The following PDE4B variants were observed in gnomAD, a reference collection of about 807,000 sequenced individuals.
The protein encoded by PDE4B is 3',5'-cyclic-AMP phosphodiesterase 4B.
PDE4B carries 20 observed loss-of-function variants against 82.2 expected under a neutral mutation model. That is an observed-to-expected ratio of 0.24 (90% CI 0.17 to 0.35). The LOEUF (loss-of-function observed/expected upper bound fraction) is 0.35, where lower values mean the gene tolerates loss of function less well. Ranked by LOEUF, PDE4B falls within the 10% of genes least tolerant of loss-of-function variation. The pLI, the probability that PDE4B is intolerant of heterozygous loss-of-function variation, is 1.00. For synonymous variants in PDE4B, 320 were observed against 318.9 expected (o/e 1.00, Z -0.04); for missense variants, 655 against 907.2 (o/e 0.72, Z 3.57).
intron 3 of PDE4B, among the ~76,000 whole-genome samples, chr1:66,205,817 C>G (rs1649499302): frequency 6.6e-6 from 1 of 152,138 alleles, no homozygotes; most frequent in Non-Finnish European, 1.5e-5. Context: ...CCTCTCTAGC[C>G]AGATTTTAAA....
At chr1:65,797,433 AT>A (rs1645644339) in intron 1 of PDE4B, among the ~76,000 whole-genome samples, 1 of 152,194 alleles carries the variant, frequency 6.6e-6, no homozygotes, top group Non-Finnish European at 1.5e-5. Context: ...TTAACAGATA[AT>A]CACTCTGTTT....
chr1:65,817,985 T>A (rs181950031), intron 1 of PDE4B, among the ~76,000 whole-genome samples: 203 of 152,266 alleles, frequency 1.3e-3, no homozygotes, highest in South Asian at 4.4e-3. Context: ...ATATAGGGCC[T>A]CTTCTGCTCT....
intron 3 of PDE4B, among the ~76,000 whole-genome samples, chr1:66,240,659 T>C (rs1248291163): frequency 1.3e-5 from 2 of 152,260 alleles, no homozygotes; most frequent in Non-Finnish European, 2.9e-5. Flanking sequence ...AGGGACCTTG[T>C]TCCATACACT....
intron 3 of PDE4B, among the ~76,000 whole-genome samples, chr1:66,083,791 A>G (rs935822899): frequency 6.6e-6 from 1 of 152,134 alleles, no homozygotes; most frequent in African/African-American, 2.4e-5. Context: ...TCCCTTCACT[A>G]ATTTCCTTCA....
intron 3 of PDE4B, among the ~76,000 whole-genome samples, chr1:66,170,981 A>G (rs1023522145): frequency 6.6e-6 from 1 of 152,174 alleles, no homozygotes; most frequent in African/African-American, 2.4e-5. Flanking sequence ...GGCTTTTTGG[A>G]GAGCAGAAAT....
intron 1 of PDE4B, among the ~76,000 whole-genome samples, chr1:65,892,388 GT>G (rs1646861210): frequency 1.3e-5 from 2 of 152,000 alleles, no homozygotes; most frequent in African/African-American, 2.4e-5. Flanking sequence ...GAGTGACCTT[GT>G]TTAAATAGAT....
intron 3 of PDE4B, among the ~76,000 whole-genome samples, chr1:65,929,411 T>G (rs1202417618): frequency 6.6e-6 from 1 of 152,224 alleles, no homozygotes; most frequent in Admixed American, 6.5e-5. Context: ...CTGTTCCAAG[T>G]TGCAGGGTCC....
chr1:66,088,503 A>T (rs1644946079), intron 3 of PDE4B, among the ~76,000 whole-genome samples: 1 of 152,112 alleles, frequency 6.6e-6, no homozygotes, highest in Non-Finnish European at 1.5e-5. Flanking sequence ...GCTGCATTAC[A>T]TAGATGTCTC....
intron 8 of PDE4B, among the ~76,000 whole-genome samples, chr1:66,351,163 A>G (rs1379371499): frequency 2.6e-5 from 4 of 152,152 alleles, no homozygotes; most frequent in African/African-American, 9.7e-5. Flanking sequence ...TTATTCACAA[A>G]TTTTGCTTGT....
chr1:66,222,973 CT>C (rs1651120013), intron 3 of PDE4B, among the ~76,000 whole-genome samples: 1 of 152,090 alleles, frequency 6.6e-6, no homozygotes, highest in South Asian at 2.1e-4. Flanking sequence ...TGTTTTTCTG[CT>C]TGTGAACTCA....
intron 1 of PDE4B, among the ~76,000 whole-genome samples, chr1:65,878,718 C>T (rs1018732282): frequency 6.6e-5 from 10 of 151,918 alleles, no homozygotes; most frequent in Non-Finnish European, 1.3e-4. Context: ...ACATCACACA[C>T]CAGAGCCTGT....
intron 3 of PDE4B, among the ~76,000 whole-genome samples, chr1:65,939,248 T>C (rs951882791): frequency 2.0e-5 from 3 of 152,086 alleles, no homozygotes; most frequent in African/African-American, 7.2e-5. Flanking sequence ...ATAGACTACT[T>C]TTCAGCCTTT....
At chr1:65,935,533 TACAA>T (rs917507745) in intron 3 of PDE4B, among the ~76,000 whole-genome samples, 3 of 152,162 alleles carry the variant, frequency 2.0e-5, no homozygotes, top group Admixed American at 1.3e-4. Context: ...ACACTAAATT[TACAA>T]ACAAATATTT....
chr1:66,236,518 T>C (rs533063149), intron 3 of PDE4B, among the ~76,000 whole-genome samples: 4 of 152,306 alleles, frequency 2.6e-5, no homozygotes, highest in Admixed American at 6.5e-5. Flanking sequence ...TAACATTTCT[T>C]GTACTTTGGG....
intron 7 of PDE4B, among the ~76,000 whole-genome samples, chr1:66,329,484 T>C (rs932189423): frequency 1.3e-5 from 2 of 152,236 alleles, no homozygotes; most frequent in African/African-American, 4.8e-5. Context: ...TGCACTTTCA[T>C]TTTGTACTGG....
intron 3 of PDE4B, among the ~76,000 whole-genome samples, chr1:66,106,049 C>T (rs529752001): frequency 0.012 from 1,849 of 151,948 alleles, 43 homozygotes; most frequent in African/African-American, 0.043. Context: ...CAGTTTGTGC[C>T]CATTCAGTAT....
chr1:66,063,333 A>G (rs1301339243), intron 3 of PDE4B, among the ~76,000 whole-genome samples: 1 of 151,984 alleles, frequency 6.6e-6, no homozygotes, highest in Non-Finnish European at 1.5e-5. Context: ...GTAAAAAATA[A>G]TTACCAGAGT....
chr1:65,868,467 G>C lies in PDE4B; in HGVS notation c.-70-44778G>C, dbSNP rs549777400. ...GTTTCAAAGGATGACATACTGAGTTGAGTTGACGTTTTATTTCCACTGTTC... is the reference window on the plus strand; with the variant it reads ...GTTTCAAAGGATGACATACTGAGTTCAGTTGACGTTTTATTTCCACTGTTC... On this transcript the variant is annotated intron_variant, in intron 1 of 16. Coordinates refer to ENST00000341517, the MANE Select transcript of PDE4B (RefSeq NM_002600.4). 1.2e-3 allele frequency among the ~76,000 whole-genome samples: 177 copies of C among 152,328 alleles called. 1 individual carries two copies. The highest frequency in any genetic ancestry group is 4.2e-3 in the African/African-American group (175 of 41,584).
At chr1:65,894,475 A>C (rs1646887643) in intron 1 of PDE4B, among the ~76,000 whole-genome samples, 1 of 152,198 alleles carries the variant, frequency 6.6e-6, no homozygotes, top group South Asian at 2.1e-4. Context: ...GGTTGATCAA[A>C]GATTTCTTAG....
Sources: allele counts gnomAD v4.1 joint callset (sites outside exome capture counted in the v4.1 genomes callset), GRCh38; gene constraint gnomAD v4.1.1; transcripts MANE v1.5; gene names NCBI Gene and HGNC (gene_info 2026-07-23, HGNC 2026-07-21).